The following OLFM2 variants were observed in gnomAD, a reference collection of about 807,000 sequenced individuals.
The protein encoded by OLFM2 is noelin-2.
Under a neutral mutation model 43.9 loss-of-function variants are expected in OLFM2, and 20 were observed. The ratio of observed to expected loss-of-function variants is 0.46; its 90% confidence interval spans 0.32 to 0.66. The LOEUF (loss-of-function observed/expected upper bound fraction) is 0.66, where lower values mean the gene tolerates loss of function less well. Among genes scored for constraint, OLFM2 ranks in the 30% least tolerant of loss-of-function variants. The probability of loss-of-function intolerance (pLI) is 0.04; values close to 1 mark genes in which losing one functional copy is unlikely to be tolerated. For synonymous variants in OLFM2, 268 were observed against 278.6 expected (o/e 0.96, Z 0.38); for missense variants, 416 against 643.6 (o/e 0.65, Z 3.83).
intron 1 of OLFM2, among the ~76,000 whole-genome samples, chr19:9,914,992 C>G (rs975733073): frequency 3.9e-5 from 6 of 152,038 alleles, no homozygotes; most frequent in African/African-American, 1.4e-4. Flanking sequence ...GGCTAGGGGT[C>G]TCGAACCGTC....
At chr19:9,908,787 G>A (rs1205723217) in intron 1 of OLFM2, among the ~76,000 whole-genome samples, 1 of 151,832 alleles carries the variant, frequency 6.6e-6, no homozygotes, top group African/African-American at 2.4e-5. Context: ...ATGTTGGCCA[G>A]GCTGGTCTTG....
rs529510346 is a variant in OLFM2 at position 9,859,900 on chromosome 19, G to A, written c.213+745C>T. On this transcript the variant is annotated intron_variant, in intron 2 of 5. Transcript: ENST00000264833. ...CTCACGCCTGTAATCCCCGCACTTTGGGAGGCCAAGACAGGCAAATCACCT... is the reference window on the plus strand; with the variant it reads ...CTCACGCCTGTAATCCCCGCACTTTAGGAGGCCAAGACAGGCAAATCACCT... Among the ~76,000 whole-genome samples the A allele has an allele frequency of 9.7e-4, 148 of 152,272 alleles. 2 individuals are homozygous for A. The highest frequency in any genetic ancestry group is 1.2e-3 in the East Asian group (6 of 5,148).
intron 1 of OLFM2, among the ~76,000 whole-genome samples, chr19:9,904,421 C>A (rs1361899107): frequency 6.6e-6 from 1 of 151,974 alleles, no homozygotes; most frequent in East Asian, 1.9e-4. Context: ...GAACCTCTGA[C>A]CTCAGGTGAT....
chr19:9,910,210 ATAATAT>A (rs1329399840), intron 1 of OLFM2, among the ~76,000 whole-genome samples: 1 of 152,094 alleles, frequency 6.6e-6, no homozygotes, highest in Non-Finnish European at 1.5e-5. Context: ...TCTAAAAATA[ATAATAT>A]TAATAATAAT....
chr19:9,854,187 C>T lies in OLFM2; in HGVS notation c.1364G>A (p.Ter455=), dbSNP rs2145425945. The T allele has an allele frequency of 6.2e-7, 1 of 1,614,102 alleles. No individual in the cohort carries two copies. The highest frequency in any genetic ancestry group is 2.2e-5 in the East Asian group (1 of 44,864). ...AGCAGCCCGAGCCACAGCATTGGCT[C>T]AGGGGTCCCCAGAGGTGCTGATGAC... The part of the protein sequence containing the change: ...FHVISTSGDP[*] The change falls in exon 6 of 6, where the codon TGA becomes TAA. Residue 455 remains the stop codon, a stop_retained_variant. Transcript: ENST00000264833. This position sits in a 1 kb window ranked among gnomAD's most constrained non-coding sequence, Gnocchi z 9.5.
intron 1 of OLFM2, among the ~76,000 whole-genome samples, chr19:9,907,193 C>T (rs1470819694): frequency 3.9e-5 from 6 of 152,112 alleles, no homozygotes; most frequent in Admixed American, 2.0e-4. Flanking sequence ...TGGTGGTTCA[C>T]GCCTGTAATC....
intron 1 of OLFM2, among the ~76,000 whole-genome samples, chr19:9,920,067 G>A (rs1032673059): frequency 2.0e-5 from 3 of 151,364 alleles, no homozygotes; most frequent in Admixed American, 6.6e-5. Flanking sequence ...GCCTCCCAAA[G>A]TGCTAGGATT....
chr19:9,875,332 C>T (rs2046476238), intron 1 of OLFM2, among the ~76,000 whole-genome samples: 1 of 152,168 alleles, frequency 6.6e-6, no homozygotes, highest in Admixed American at 6.6e-5. Flanking sequence ...TCTCCTTCCC[C>T]AGCCTTCATG....
intron 1 of OLFM2, among the ~76,000 whole-genome samples, chr19:9,915,239 CTTTT>C (rs34756498): frequency 1.1e-4 from 16 of 139,628 alleles, no homozygotes; most frequent in Admixed American, 4.3e-4. Context: ...TTTTCTCTCT[CTTTT>C]TTTTTTTTTT....
rs887545853 is a variant in OLFM2, at chr19:9,923,239, AT to A, written c.63+13064del. Among the ~76,000 whole-genome samples the A allele has an allele frequency of 6.6e-5, 10 of 150,526 alleles. No individual in the cohort carries two copies. In the East Asian group the frequency reaches 1.2e-3, roughly 18 times the overall value. The stretch of plus-strand genomic sequence containing the variant: ...TCATTTGTGGACATGCACAGTGATA[AT>A]TTTTTTTTTCTTGCTTAGAAACAGG... On this transcript the variant is annotated intron_variant, in intron 1 of 5. Transcript: ENST00000264833.
At chr19:9,867,455 CAGG>C (rs1447510805) in intron 1 of OLFM2, among the ~76,000 whole-genome samples, 3 of 152,016 alleles carry the variant, frequency 2.0e-5, no homozygotes, top group African/African-American at 7.3e-5. Context: ...GTCCTGGGGA[CAGG>C]AGAAGCATTG....
intron 1 of OLFM2, among the ~76,000 whole-genome samples, chr19:9,863,741 CTTT>C (rs907582021): frequency 1.4e-5 from 2 of 146,086 alleles, no homozygotes; most frequent in South Asian, 2.2e-4. Context: ...TCAATCGAGT[CTTT>C]TTTTTTTTAA....
chr19:9,913,656 G>A (rs1305552348), intron 1 of OLFM2: 13 of 1,192,324 alleles, frequency 1.1e-5, no homozygotes, highest in East Asian at 4.7e-5. Context: ...CCCGCCGCGC[G>A]TCCCTTCTCT....
intron 1 of OLFM2, among the ~76,000 whole-genome samples, chr19:9,889,595 CCGAAT>C (rs1416119808): frequency 6.6e-6 from 1 of 152,126 alleles, no homozygotes; most frequent in Non-Finnish European, 1.5e-5. Flanking sequence ...CTGCATCAGC[CCGAAT>C]GTGGACAGAG....
chr19:9,880,539 G>C (rs539883203), intron 1 of OLFM2, among the ~76,000 whole-genome samples: 1 of 152,104 alleles, frequency 6.6e-6, no homozygotes, highest in Non-Finnish European at 1.5e-5. Context: ...TGAGGTTGCA[G>C]TGAGCTGTGA....
intron 1 of OLFM2, among the ~76,000 whole-genome samples, chr19:9,913,177 C>T (rs2046842614): frequency 6.6e-6 from 1 of 152,100 alleles, no homozygotes; most frequent in Admixed American, 6.5e-5. Context: ...GCCCTGGGGC[C>T]GGAGCGAGCC....
intron 1 of OLFM2, among the ~76,000 whole-genome samples, chr19:9,893,414 C>T (rs749401131): frequency 4.6e-5 from 7 of 152,210 alleles, no homozygotes; most frequent in Non-Finnish European, 1.0e-4. Flanking sequence ...ATCCACCCGC[C>T]TCCACCTCCC....
chr19:9,866,043 T>C (rs2046400287), intron 1 of OLFM2, among the ~76,000 whole-genome samples: 1 of 152,166 alleles, frequency 6.6e-6, no homozygotes. Flanking sequence ...AAATATTGAA[T>C]TGTAAAAGAG....
chr19:9,871,957 G>A (rs1232737704), intron 1 of OLFM2, among the ~76,000 whole-genome samples: 1 of 152,222 alleles, frequency 6.6e-6, no homozygotes, highest in Non-Finnish European at 1.5e-5. Flanking sequence ...GCTTGCTTCT[G>A]TTGTTCGTCC....
Sources: gnomAD v4.1 joint callset for allele counts (sites outside exome capture counted in the v4.1 genomes callset) on GRCh38, gnomAD v4.1.1 for gene constraint, Gnocchi (gnomAD v3.1) non-coding constraint, MANE v1.5 for transcripts, NCBI Gene and HGNC (gene_info 2026-07-23, HGNC 2026-07-21) for gene names.